MAP3K5: variants seen among roughly 807,000 people sequenced by gnomAD.
The protein encoded by MAP3K5 is ASK-1.
A neutral mutation model predicts 158.7 loss-of-function variants in MAP3K5; 56 were observed. That is an observed-to-expected ratio of 0.35 (90% confidence interval 0.28 to 0.44). The LOEUF is 0.44. Ranked by LOEUF, MAP3K5 falls within the 20% of genes least tolerant of loss-of-function variation. The pLI is 1.00. For synonymous variants in MAP3K5, 579 were observed against 601.7 expected, an observed-to-expected ratio of 0.96 and a Z score of 0.55; for missense variants, 1,294 against 1,674.8, an observed-to-expected ratio of 0.77 and a Z score of 3.97.
chr6:136,592,080 T>C, intron 23 of MAP3K5, 93 bp downstream of exon 23: 1 of 1,215,538 alleles, frequency 8.2e-7, no homozygotes. Flanking sequence ...AGGTTCCTCT[T>C]GCCTTTCACA....
intron 7 of MAP3K5, among the ~76,000 whole-genome samples, chr6:136,687,485 G>A (rs763775894): frequency 6.6e-6 from 1 of 152,124 alleles, no homozygotes; most frequent in Non-Finnish European, 1.5e-5. Context: ...GAATGAACAG[G>A]AAACCTACAG....
intron 14 of MAP3K5, among the ~76,000 whole-genome samples, chr6:136,634,906 C>T (rs1249528750): frequency 7.5e-5 from 11 of 147,214 alleles, no homozygotes; most frequent in Non-Finnish European, 1.2e-4. Context: ...TTTTTTGAGA[C>T]GGAGTTTTGC....
At chr6:136,727,976 A>G (rs970720140) in intron 1 of MAP3K5, among the ~76,000 whole-genome samples, 108 of 152,292 alleles carry the variant, frequency 7.1e-4, no homozygotes, top group African/African-American at 2.5e-3. Context: ...AAAAAAAAAA[A>G]AAAGAAATTT....
chr6:136,741,353 A>G (rs529222527), intron 1 of MAP3K5, among the ~76,000 whole-genome samples: 2 of 152,280 alleles, frequency 1.3e-5, no homozygotes, highest in African/African-American at 4.8e-5. Context: ...GCAAAATTCA[A>G]ATTATTGATT....
chr6:136,731,801 C>T (rs1354012773), intron 1 of MAP3K5, among the ~76,000 whole-genome samples: 1 of 152,106 alleles, frequency 6.6e-6, no homozygotes, highest in Non-Finnish European at 1.5e-5. Context: ...CAAAGACTGG[C>T]AAAGAACAAA....
At chr6:136,706,221 G>A (rs890994179) in intron 2 of MAP3K5, among the ~76,000 whole-genome samples, 3 of 152,052 alleles carry the variant, frequency 2.0e-5, no homozygotes, top group East Asian at 1.9e-4. Context: ...AGCTGAGATC[G>A]CACCACTGCA....
At chr6:136,681,266 C>T (rs1174469607) in intron 7 of MAP3K5, among the ~76,000 whole-genome samples, 1 of 152,156 alleles carries the variant, frequency 6.6e-6, no homozygotes, top group East Asian at 1.9e-4. Context: ...TTACATAAAG[C>T]AAGCCTTAGT....
chr6:136,707,569 G>A (rs4896213), intron 2 of MAP3K5, among the ~76,000 whole-genome samples: 66,054 of 151,478 alleles, frequency 0.44, 14,568 homozygotes, highest in South Asian at 0.57. Flanking sequence ...GGGGGGGGGG[G>A]AACCCCTTGA....
At chr6:136,638,217 A>T (rs1348205779) in intron 13 of MAP3K5, among the ~76,000 whole-genome samples, 1 of 151,546 alleles carries the variant, frequency 6.6e-6, no homozygotes, top group Non-Finnish European at 1.5e-5. Context: ...AAAGTGAAAG[A>T]TCAAAAAAAA....
chr6:136,582,083 A>C (rs1774905884), intron 24 of MAP3K5, among the ~76,000 whole-genome samples: 1 of 143,666 alleles, frequency 7.0e-6, no homozygotes, highest in African/African-American at 2.7e-5. Context: ...ACTCCATCTC[A>C]AAAAAAAAAA....
At chr6:136,626,037 C>T (rs1451787429) in intron 14 of MAP3K5, among the ~76,000 whole-genome samples, 3 of 152,034 alleles carry the variant, frequency 2.0e-5, no homozygotes, top group South Asian at 2.1e-4. Context: ...CTACAAAATA[C>T]GAAAGACAAA....
chr6:136,741,901 C>A (rs2114879117), intron 1 of MAP3K5, among the ~76,000 whole-genome samples: 1 of 152,202 alleles, frequency 6.6e-6, no homozygotes, highest in East Asian at 1.9e-4. Context: ...TACATTAGCA[C>A]CCCCAAAAAT....
chr6:136,751,820 T>A (rs145962548), intron 1 of MAP3K5, among the ~76,000 whole-genome samples: 1 of 152,274 alleles, frequency 6.6e-6, no homozygotes, highest in African/African-American at 2.4e-5. Flanking sequence ...CGAAAACACA[T>A]GAACTTAAAA....
chr6:136,586,405 G>A (rs1177421299), intron 23 of MAP3K5, among the ~76,000 whole-genome samples: 1 of 152,166 alleles, frequency 6.6e-6, no homozygotes, highest in African/African-American at 2.4e-5. Flanking sequence ...TTTGATGTGT[G>A]TGCTACTGTC....
intron 1 of MAP3K5, among the ~76,000 whole-genome samples, chr6:136,761,595 G>C (rs1783761964): frequency 6.6e-6 from 1 of 152,200 alleles, no homozygotes; most frequent in South Asian, 2.1e-4. Context: ...ATGTGCACCA[G>C]GGTGAGGAGA....
intron 1 of MAP3K5, among the ~76,000 whole-genome samples, chr6:136,721,784 G>A (rs1345994043): frequency 6.6e-6 from 1 of 152,230 alleles, no homozygotes; most frequent in African/African-American, 2.4e-5. Context: ...TCAGGAGGCT[G>A]AGTTGAGAGT....
intron 1 of MAP3K5, among the ~76,000 whole-genome samples, chr6:136,773,608 C>T (rs975743657): frequency 1.3e-5 from 2 of 152,092 alleles, no homozygotes; most frequent in Non-Finnish European, 2.9e-5. Flanking sequence ...CTAGATGATG[C>T]CTTCCTTTGC....
intron 1 of MAP3K5, among the ~76,000 whole-genome samples, chr6:136,737,037 G>GTATATATATATATATA (rs56011325): frequency 9.1e-4 from 115 of 126,948 alleles, no homozygotes; most frequent in African/African-American, 4.0e-3. Context: ...ATATGTGTGT[G>GTATATATATATATATA]TATATATATA....
At chr6:136,704,191 G>A (rs1204014697) in intron 3 of MAP3K5, among the ~76,000 whole-genome samples, 1 of 152,134 alleles carries the variant, frequency 6.6e-6, no homozygotes, top group African/African-American at 2.4e-5. Flanking sequence ...GTAGAAAATA[G>A]ATAAAGATAT....
Sources: gnomAD v4.1 joint callset for allele counts (sites outside exome capture counted in the v4.1 genomes callset) on GRCh38, gnomAD v4.1.1 for gene constraint, MANE v1.5 for transcripts, NCBI Gene and HGNC (gene_info 2026-07-23, HGNC 2026-07-21) for gene names.